MR1: variants seen among roughly 807,000 people sequenced by gnomAD.
The protein encoded by MR1 is major histocompatibility complex class I-related protein 1.
MR1 carries 44 observed loss-of-function variants against 37.8 expected under a neutral mutation model. The observed-to-expected ratio is 1.16, with a 90% CI of 0.91 to 1.50. MR1 has a LOEUF of 1.50. Among genes scored for constraint, MR1 ranks in the 40% most tolerant of loss-of-function variants. The pLI, the probability that MR1 is intolerant of heterozygous loss-of-function variation, is 0.00. For missense variants in MR1, 386 were observed against 419.1 expected, an observed-to-expected ratio of 0.92 and a Z score of 0.69; for synonymous variants, 153 against 155.8, an observed-to-expected ratio of 0.98 and a Z score of 0.13.
intron 2 of MR1, 187 bp downstream of exon 2, chr1:181,049,499 C>G (rs1658161973): frequency 1.5e-6 from 1 of 665,138 alleles, no homozygotes; most frequent in African/African-American, 1.8e-5. Context: ...CCCTCTCTCC[C>G]CCAGGAGCAC....
chr1:181,045,524 C>G (rs1255391444), intron 1 of MR1, among the ~76,000 whole-genome samples: 3 of 152,002 alleles, frequency 2.0e-5, no homozygotes. Flanking sequence ...TCCCCCTGCC[C>G]GCCCTCCTGC....
chr1:181,049,900 G>T (rs1658200155), intron 2 of MR1, 111 bp from the exon 3 acceptor site: 1 of 1,265,042 alleles, frequency 7.9e-7, no homozygotes, highest in Non-Finnish European at 1.1e-6. Context: ...AGGCCTGGGG[G>T]GTGACATAAT....
chr1:181,041,539 A>G (rs945263034), intron 1 of MR1, among the ~76,000 whole-genome samples: 1 of 152,000 alleles, frequency 6.6e-6, no homozygotes, highest in African/African-American at 2.4e-5. Flanking sequence ...CCCATGAAAA[A>G]CTATGGAAGT....
rs1216515858 is a variant in MR1, at chr1:181,049,162, A to G, written c.178A>G (p.Ser60Gly). 2 of 1,614,180 alleles carry G rather than the reference A, an allele frequency of 1.2e-6. No individual in the cohort carries two copies. Among genetic ancestry groups the G allele is most frequent in the African/African-American group, 2.7e-5 (2 of 75,036 alleles). ...CTCGCACCCTATCACCACATATGACAGTGTCACTCGGCAGAAGGAGCCACG... is the reference window on the plus strand; with the variant it reads ...CTCGCACCCTATCACCACATATGACGGTGTCACTCGGCAGAAGGAGCCACG... The part of the protein sequence containing the change: ...VDSHPITTYD[S>G]VTRQKEPRAP... The change falls in exon 2 of 6, where the codon AGT (serine) becomes GGT (glycine). Residue 60 changes from serine to glycine, a missense_variant. Physicochemically the swap from Ser to Gly is moderately conservative, Grantham distance 56. Transcript: ENST00000367580.
chr1:181,035,913 G>C (rs1456768966), intron 1 of MR1, among the ~76,000 whole-genome samples: 1 of 152,126 alleles, frequency 6.6e-6, no homozygotes, highest in Non-Finnish European at 1.5e-5. Context: ...ACTTGGTGCT[G>C]GCTGTTCTCC....
At chr1:181,048,075 A>G (rs4651081) in intron 1 of MR1, among the ~76,000 whole-genome samples, 69,412 of 150,904 alleles carry the variant, frequency 0.46, 16,185 homozygotes, top group East Asian at 0.58. Flanking sequence ...AAAATTAGCC[A>G]GGCGTGGTGA....
At position 181,049,752 on chromosome 1, in the gene MR1, A is replaced by C. The variant is rs897611680; in HGVS notation, c.329-259A>C. 5.6e-6 allele frequency: 3 copies of C among 534,518 alleles called. No homozygotes were observed. The Admixed American group carries it at 9.6e-5, about 17-fold the overall frequency. 33.1% of individuals were successfully genotyped at this position (534,518 alleles called of 1,614,324 possible). On this transcript the variant is annotated intron_variant, in intron 2 of 5. Transcript: ENST00000367580. ...AGTCAGAATAGCCACAAAGTTTATC[A>C]GTCATTCCCATTACAGGATAACTCC... is the stretch of plus-strand genomic sequence containing the variant.
At chr1:181,036,798 G>A (rs2183424) in intron 1 of MR1, among the ~76,000 whole-genome samples, 15,498 of 152,208 alleles carry the variant, frequency 0.1, 825 homozygotes, top group Middle Eastern at 0.15. Flanking sequence ...TGCCCAACAG[G>A]CACTTAGTAA....
At position 181,049,508 on chromosome 1, in the gene MR1, A is replaced by C. The variant is rs911777182; in HGVS notation, c.328+196A>C. The C allele has an allele frequency of 7.5e-5, 48 of 644,066 alleles. No homozygotes were observed. In the East Asian group the frequency reaches 1.3e-3, roughly 17 times the overall value. The allele number at this position is 644,066 out of a possible 1,614,324, so 39.9% of individuals were successfully genotyped here. A position where few individuals can be genotyped will look rare whatever the true frequency, so the allele number is the denominator to read the frequency against. On this transcript the variant is annotated intron_variant, in intron 2 of 5. Coordinates refer to ENST00000367580, the MANE Select transcript of MR1 (RefSeq NM_001385161.1). ...GACTGTCCCTCTCTCCCCCAGGAGC[A>C]CTCTGTCATTTGCCCCACCCACTCT...
chr1:181,035,525 G>A (rs1350056196), intron 1 of MR1, among the ~76,000 whole-genome samples: 1 of 152,008 alleles, frequency 6.6e-6, no homozygotes, highest in Non-Finnish European at 1.5e-5. Context: ...GATGAAAGAG[G>A]AAAGGAGGAG....
chr1:181,048,722 C>A (rs974250781), intron 1 of MR1, among the ~76,000 whole-genome samples: 3 of 152,146 alleles, frequency 2.0e-5, no homozygotes, highest in Non-Finnish European at 4.4e-5. Flanking sequence ...GACAGCTCCC[C>A]CTGTATCCCC....
At position 181,060,928 on chromosome 1, in the gene MR1, T is replaced by G. The variant is rs1184883848; in HGVS notation, c.*5663T>G. 6.6e-6 allele frequency: 1 copy of G among 152,180 alleles called. No homozygotes were observed. The highest frequency in any genetic ancestry group is 1.5e-5 in the Non-Finnish European group (1 of 68,060). 9.4% of individuals were successfully genotyped at this position (152,180 alleles called of 1,614,324 possible). A position where few individuals can be genotyped will look rare whatever the true frequency, so the allele number is the denominator to read the frequency against. On this transcript the variant is annotated 3_prime_UTR_variant, in exon 6 of 6. Coordinates refer to ENST00000367580, the MANE Select transcript of MR1 (RefSeq NM_001385161.1). ...CATAAGATTTGGGGTCCCCTGGATA[T>G]AAGATTTCTGAAAACACTCAGACTG...
rs766042753 is a variant in MR1 at position 181,050,293 on chromosome 1, A to C, written c.604+7A>C. On this transcript the variant is annotated splice_region_variant and intron_variant, in intron 3 of 5. Transcript: ENST00000367580. The stretch of plus-strand genomic sequence containing the variant: ...GACACCCTACAAAGAACAGGTAAAG[A>C]GAAAGAGAAGGCCTCATTCCCACAT... 3.7e-6 allele frequency: 6 copies of C among 1,614,156 alleles called. No homozygotes were observed. The highest frequency in any genetic ancestry group is 5.1e-6 in the Non-Finnish European group (6 of 1,179,998).
At position 181,052,453 on chromosome 1, in the gene MR1, C is replaced by T; in HGVS notation, c.823C>T (p.Leu275Phe). Residue 275 changes from leucine (L) to phenylalanine (F), a missense_variant, in exon 4 of 6, where the codon CTT (leucine) becomes TTT (phenylalanine). By Grantham distance (22) the Leu-to-Phe change is conservative. Transcript: ENST00000367580. ...SIELDPQSSN[L>F]YSCHVEHCGV... ...TGAGCTTGATCCTCAGAGCAGCAAC[C>T]TTTACTCCTGTCATGTGGAGCACTG... 6.2e-7 allele frequency: 1 copy of T among 1,614,184 alleles called. No individual in the cohort carries two copies. Among genetic ancestry groups the T allele is most frequent in the Non-Finnish European group, 8.5e-7 (1 of 1,180,042 alleles).
intron 1 of MR1, among the ~76,000 whole-genome samples, chr1:181,041,770 T>A (rs542422256): frequency 1.2e-4 from 19 of 152,362 alleles, no homozygotes; most frequent in African/African-American, 4.1e-4. Context: ...CTTCCTTTTT[T>A]AAATAGTGTT....
Position 181,049,227 on chromosome 1 carries a change from G to T in MR1, c.243G>T (p.Trp81Cys). 4 of 1,614,164 alleles carry T rather than the reference G, an allele frequency of 2.5e-6. No individual in the cohort carries two copies. Among genetic ancestry groups the T allele is most frequent in the Non-Finnish European group, 3.4e-6 (4 of 1,180,022 alleles). ...WMAENLAPDH[W>C]ERYTQLLRGW... ...CAGAGAACCTCGCGCCTGATCACTG[G>T]GAGAGGTACACTCAGCTGCTGAGGG... Residue 81 changes from tryptophan (W) to cysteine (C), a missense_variant, in exon 2 of 6, where the codon TGG becomes TGT. Coordinates refer to ENST00000367580, the MANE Select transcript of MR1 (RefSeq NM_001385161.1).
At chr1:181,043,700 TAC>T (rs974176409) in intron 1 of MR1, among the ~76,000 whole-genome samples, 5 of 151,678 alleles carry the variant, frequency 3.3e-5, no homozygotes, top group Non-Finnish European at 7.4e-5. Flanking sequence ...AACCCTGTCA[TAC>T]ACACACACAC....
chr1:181,048,466 C>T (rs540290395), intron 1 of MR1, among the ~76,000 whole-genome samples: 163 of 151,188 alleles, frequency 1.1e-3, no homozygotes, highest in African/African-American at 3.6e-3. Flanking sequence ...ACCCAGGAGG[C>T]GGAGGTTGCA....
chr1:181,053,652 T>G lies in MR1; in HGVS notation c.960T>G (p.Val320=). The change falls in exon 5 of 6, where the codon GTT becomes GTG. Residue 320 remains valine, a synonymous_variant. Coordinates refer to ENST00000367580, the MANE Select transcript of MR1 (RefSeq NM_001385161.1). ...VLVIVLAGVG[V]LVWRRRPREQ... is the part of the protein sequence containing the mutation. The stretch of plus-strand genomic sequence containing the variant: ...TCATTGTGCTGGCTGGAGTTGGTGT[T>G]CTAGTCTGGAGAAGAAGGCCCCGAG... 6.2e-7 allele frequency: 1 copy of G among 1,613,812 alleles called. No homozygotes were observed. The highest frequency in any genetic ancestry group is 8.5e-7 in the Non-Finnish European group (1 of 1,179,730).
Sources: allele counts gnomAD v4.1 joint callset (sites outside exome capture counted in the v4.1 genomes callset), GRCh38; gene constraint gnomAD v4.1.1; transcripts MANE v1.5; gene names NCBI Gene and HGNC (gene_info 2026-07-23, HGNC 2026-07-21).